Variants in UBAC2 observed in about 807,000 individuals in gnomAD.
UBAC2 encodes ubiquitin-associated domain-containing protein 2.
In UBAC2, 26 loss-of-function variants were observed where a neutral mutation model predicts 44.0. The observed-to-expected ratio is 0.59, with a 90% confidence interval of 0.43 to 0.82. The LOEUF is 0.82. Among genes scored for constraint, UBAC2 ranks in the 40% least tolerant of loss-of-function variants. The pLI, the probability that UBAC2 is intolerant of heterozygous loss-of-function variation, is 0.00. For synonymous variants in UBAC2, 155 were observed against 154.3 expected, an observed-to-expected ratio of 1.00 and a Z score of -0.04; for missense variants, 329 against 419.4, an observed-to-expected ratio of 0.78 and a Z score of 1.88.
intron 7 of UBAC2, among the ~76,000 whole-genome samples, chr13:99,358,922 A>G (rs1361547267): frequency 6.6e-6 from 1 of 152,152 alleles, no homozygotes; most frequent in Non-Finnish European, 1.5e-5. Context: ...AGTGGGTTAC[A>G]TGGCTCTGAG....
intron 4 of UBAC2, among the ~76,000 whole-genome samples, chr13:99,260,880 G>A (rs934104105): frequency 5.3e-5 from 8 of 152,120 alleles, no homozygotes; most frequent in Admixed American, 1.3e-4. Context: ...ATCAAATAGT[G>A]TGTTTTAGCT....
At chr13:99,366,721 C>T (rs7998034) in intron 7 of UBAC2, among the ~76,000 whole-genome samples, 26,190 of 152,038 alleles carry the variant, frequency 0.17, 2,454 homozygotes, top group Middle Eastern at 0.23. Context: ...CTCTTTCAGA[C>T]CCAAGGCCGC....
intron 4 of UBAC2, among the ~76,000 whole-genome samples, chr13:99,272,084 A>AT (rs2043822835): frequency 6.6e-6 from 1 of 152,158 alleles, no homozygotes; most frequent in Admixed American, 6.5e-5. Context: ...AAAGACAGTG[A>AT]TCTTTGATGG....
chr13:99,345,741 CTTTTTTT>C (rs766632532), intron 7 of UBAC2, among the ~76,000 whole-genome samples: 4 of 130,932 alleles, frequency 3.1e-5, no homozygotes, highest in African/African-American at 8.2e-5. Flanking sequence ...TTTTTTCTTT[CTTTTTTT>C]TTTTTTTTTT....
At chr13:99,214,123 T>C (rs1387486234) in intron 1 of UBAC2, among the ~76,000 whole-genome samples, 2 of 152,164 alleles carry the variant, frequency 1.3e-5, no homozygotes, top group African/African-American at 4.8e-5. Context: ...CTGGCCTGAT[T>C]GTGTATTTAT....
intron 6 of UBAC2, among the ~76,000 whole-genome samples, chr13:99,324,470 G>A (rs1269116058): frequency 6.6e-6 from 1 of 152,224 alleles, no homozygotes; most frequent in Non-Finnish European, 1.5e-5. Context: ...AAGTCAAATG[G>A]AGCAGGGCTG....
rs1405185805 is a variant in UBAC2, at chr13:99,295,043, C to G, written c.390-19054C>G. The G allele has an allele frequency of 3.7e-6, 6 of 1,606,408 alleles. No homozygotes were observed. The highest frequency in any genetic ancestry group is 4.3e-6 in the Non-Finnish European group (5 of 1,176,172). On this transcript the variant is annotated intron_variant, in intron 4 of 8. Coordinates refer to ENST00000403766, the MANE Select transcript of UBAC2 (RefSeq NM_001144072.2). The surrounding 1 kb of genome is among the most constrained non-coding windows in gnomAD (Gnocchi z 4.1). ...GTCATACAGTTTACGTCACTATAAA[C>G]CAAAATACAATCCATTTCACTTTCC...
chr13:99,326,238 A>T (rs1309278666), intron 6 of UBAC2, among the ~76,000 whole-genome samples: 2 of 152,174 alleles, frequency 1.3e-5, no homozygotes, highest in Non-Finnish European at 1.5e-5. Context: ...CCATCCCAGC[A>T]GGTGTGAGGT....
chr13:99,384,995 T>C (rs1003828272), intron 8 of UBAC2, among the ~76,000 whole-genome samples: 4 of 152,376 alleles, frequency 2.6e-5, no homozygotes, highest in East Asian at 1.9e-4. Flanking sequence ...TGTCCTTGTC[T>C]GTAGAATGAG....
intron 4 of UBAC2, among the ~76,000 whole-genome samples, chr13:99,309,223 G>C (rs2044379883): frequency 1.3e-5 from 2 of 151,538 alleles, no homozygotes; most frequent in Non-Finnish European, 2.9e-5. Flanking sequence ...CAATTCTCCT[G>C]CCTCAGCCTC....
intron 8 of UBAC2, among the ~76,000 whole-genome samples, chr13:99,368,724 T>TAC (rs893726826): frequency 1.3e-5 from 2 of 149,454 alleles, no homozygotes; most frequent in African/African-American, 5.0e-5. Flanking sequence ...TGTGTGTGTG[T>TAC]GTACACATAC....
chr13:99,338,047 C>CTTTTTCTTTCTTTTTTT, intron 6 of UBAC2, among the ~76,000 whole-genome samples: 1 of 48,852 alleles, frequency 2.0e-5, no homozygotes, highest in Non-Finnish European at 4.0e-5. Context: ...TTCTTTTTTT[C>CTTTTTCTTTCTTTTTTT]TTTTTTTTTT....
At chr13:99,314,494 A>G (rs1388939045) in intron 5 of UBAC2, among the ~76,000 whole-genome samples, 1 of 152,212 alleles carries the variant, frequency 6.6e-6, no homozygotes, top group African/African-American at 2.4e-5. Context: ...TCATTGTACA[A>G]TTGCATGTGC....
At chr13:99,277,250 G>T (rs990110018) in intron 4 of UBAC2, among the ~76,000 whole-genome samples, 17 of 152,180 alleles carry the variant, frequency 1.1e-4, no homozygotes, top group Non-Finnish European at 2.4e-4. Flanking sequence ...TTAAGGCCAG[G>T]TGCAGTGGCT....
At chr13:99,319,913 G>C (rs749925552) in intron 6 of UBAC2, among the ~76,000 whole-genome samples, 6 of 152,162 alleles carry the variant, frequency 3.9e-5, no homozygotes, top group Non-Finnish European at 8.8e-5. Context: ...AGGATGTACT[G>C]TTTGTTCCAT....
chr13:99,356,926 T>G (rs975390147), intron 7 of UBAC2, among the ~76,000 whole-genome samples: 4 of 152,224 alleles, frequency 2.6e-5, no homozygotes, highest in South Asian at 2.1e-4. Context: ...TTTCTTTTTT[T>G]GGGCTTTGTT....
At position 99,356,526 on chromosome 13, in the gene UBAC2, T is replaced by C. The variant is rs181283054; in HGVS notation, c.808-11261T>C. Among the ~76,000 whole-genome samples, 320 of 152,308 alleles carry C rather than the reference T, an allele frequency of 2.1e-3. 1 individual carries two copies. The highest frequency in any genetic ancestry group is 4.0e-3 in the Non-Finnish European group (275 of 68,014). The stretch of plus-strand genomic sequence containing the variant: ...AGTACTGTTTGAAGTATCTCATCCA[T>C]CAACACTGGTCACTGTGAGAAACCA... On this transcript the variant is annotated intron_variant, in intron 7 of 8. Transcript: ENST00000403766.
chr13:99,282,650 G>A (rs189831309), intron 4 of UBAC2, among the ~76,000 whole-genome samples: 3 of 152,202 alleles, frequency 2.0e-5, no homozygotes, highest in Non-Finnish European at 4.4e-5. Context: ...GTAACAGACA[G>A]CAAAGGAGAT....
At chr13:99,252,651 A>G in intron 4 of UBAC2, among the ~76,000 whole-genome samples, 1 of 152,212 alleles carries the variant, frequency 6.6e-6, no homozygotes, top group East Asian at 1.9e-4. Context: ...ATTTTTTGTT[A>G]GTATTTATAT....
Sources: gnomAD v4.1 joint callset for allele counts (sites outside exome capture counted in the v4.1 genomes callset) on GRCh38, gnomAD v4.1.1 for gene constraint, Gnocchi (gnomAD v3.1) non-coding constraint, MANE v1.5 for transcripts, NCBI Gene and HGNC (gene_info 2026-07-23, HGNC 2026-07-21) for gene names.